PHLPP1: variants seen among roughly 807,000 people sequenced by gnomAD.
The protein encoded by PHLPP1 is PH domain and leucine rich repeat protein phosphatase 1.
In PHLPP1, 42 loss-of-function variants were observed where a neutral mutation model predicts 117.2. The ratio of observed to expected loss-of-function variants is 0.36; its 90% CI spans 0.28 to 0.46. The LOEUF (loss-of-function observed/expected upper bound fraction) is 0.46, where lower values mean the gene tolerates loss of function less well. PHLPP1 is among the 20% of genes least tolerant of loss of function. The probability of loss-of-function intolerance (pLI) is 1.00; values close to 1 mark genes in which losing one functional copy is unlikely to be tolerated. For synonymous variants in PHLPP1, 1,042 were observed against 970.7 expected, an observed-to-expected ratio of 1.07 and a Z score of -1.37; for missense variants, 2,084 against 2,241.9, an observed-to-expected ratio of 0.93 and a Z score of 1.42.
intron 1 of PHLPP1, among the ~76,000 whole-genome samples, chr18:62,809,710 A>G (rs920586879): frequency 2.0e-5 from 3 of 152,194 alleles, no homozygotes; most frequent in African/African-American, 7.2e-5. Context: ...CAAAAAAAAA[A>G]AAGTCATTGG....
intron 1 of PHLPP1, among the ~76,000 whole-genome samples, chr18:62,732,255 G>A (rs1464069137): frequency 1.3e-5 from 2 of 152,166 alleles, no homozygotes; most frequent in African/African-American, 4.8e-5. Context: ...CTCTTGTTAG[G>A]AATTAATGCA....
At chr18:62,803,645 C>T (rs535263715) in intron 1 of PHLPP1, among the ~76,000 whole-genome samples, 1 of 152,068 alleles carries the variant, frequency 6.6e-6, no homozygotes, top group Non-Finnish European at 1.5e-5. Flanking sequence ...CAAATAATGC[C>T]GCCATGAACA....
At chr18:62,750,002 C>T (rs932351860) in intron 1 of PHLPP1, among the ~76,000 whole-genome samples, 4 of 152,004 alleles carry the variant, frequency 2.6e-5, no homozygotes, top group South Asian at 2.1e-4. Context: ...GGCGACAGAG[C>T]GAGACTCCAC....
chr18:62,776,075 T>C lies in PHLPP1; in HGVS notation c.1577-53960T>C, dbSNP rs187345018. On this transcript the variant is annotated intron_variant, in intron 1 of 16. Coordinates refer to ENST00000262719, the MANE Select transcript of PHLPP1 (RefSeq NM_194449.4). The stretch of plus-strand genomic sequence containing the variant: ...ATCTATAAAGAGATTTAAAAAAATA[T>C]ATATATAAAGAAGTTTATTTTAAGG... Among the ~76,000 whole-genome samples the C allele has an allele frequency of 1.3e-3, 193 of 152,092 alleles. 2 individuals carry two copies. The highest frequency in any genetic ancestry group is 1.0e-3 in the Non-Finnish European group (70 of 67,984).
intron 9 of PHLPP1, among the ~76,000 whole-genome samples, chr18:62,917,540 G>T (rs1909327906): frequency 6.6e-6 from 1 of 152,090 alleles, no homozygotes; most frequent in African/African-American, 2.4e-5. Context: ...GCAAGGCTGG[G>T]CACCGTGGCT....
In PHLPP1 at chr18:62,890,002, C is replaced by T. The variant is rs563255818; in HGVS notation, c.2067-5009C>T. 2.1e-4 allele frequency among the ~76,000 whole-genome samples: 32 copies of T among 152,184 alleles called. 1 individual carries two copies. The South Asian group carries it at 6.4e-3, about 31-fold the overall frequency. On this transcript the variant is annotated intron_variant, in intron 4 of 16. Transcript: ENST00000262719. ...TGTGGTATTATACTGGACCTTGCAG[C>T]TCTTGGGAAAGGGTGCCCCCGACTC...
At chr18:62,923,507 A>C (rs772731348) in intron 10 of PHLPP1, among the ~76,000 whole-genome samples, 2 of 152,126 alleles carry the variant, frequency 1.3e-5, no homozygotes, top group Non-Finnish European at 2.9e-5. Context: ...GATTATGTGA[A>C]GGGGGTGGGA....
intron 1 of PHLPP1, among the ~76,000 whole-genome samples, chr18:62,800,798 A>G (rs1913755449): frequency 6.6e-6 from 1 of 152,032 alleles, no homozygotes; most frequent in Non-Finnish European, 1.5e-5. Context: ...TTCTCCGGCT[A>G]CCTGCATTCT....
chr18:62,972,439 C>T, intron 14 of PHLPP1, 75 bp from the exon 15 acceptor site: 1 of 1,355,866 alleles, frequency 7.4e-7, no homozygotes, highest in African/African-American at 1.5e-5. Context: ...TTAGGAAAAT[C>T]TTGAAATAAG....
intron 1 of PHLPP1, among the ~76,000 whole-genome samples, chr18:62,822,609 A>C (rs1451049054): frequency 6.6e-6 from 1 of 152,100 alleles, no homozygotes; most frequent in East Asian, 1.9e-4. Context: ...AATGGCACAA[A>C]TTTGAATGCC....
Position 62,871,554 on chromosome 18 carries a change from C to A in PHLPP1, c.2066+10953C>A, listed in dbSNP as rs186392392. ...TGTCGGCCAGTCTGGTCACCAACTC[C>A]TGACCTCAGGTGATCTGACTGCCTC... On this transcript the variant is annotated intron_variant, in intron 4 of 16. Transcript: ENST00000262719. Among the ~76,000 whole-genome samples, 12 of 152,148 alleles carry A rather than the reference C, an allele frequency of 7.9e-5. No homozygotes were observed. In the East Asian group the frequency reaches 2.3e-3, roughly 29 times the overall value.
At chr18:62,736,524 T>A (rs1298305867) in intron 1 of PHLPP1, among the ~76,000 whole-genome samples, 2 of 152,146 alleles carry the variant, frequency 1.3e-5, no homozygotes, top group Non-Finnish European at 2.9e-5. Context: ...GAATTGTGGA[T>A]CAGTTCATAA....
At chr18:62,837,060 T>C (rs1440411496) in intron 2 of PHLPP1, among the ~76,000 whole-genome samples, 2 of 152,216 alleles carry the variant, frequency 1.3e-5, no homozygotes, top group Non-Finnish European at 2.9e-5. Context: ...CTCCACACTA[T>C]AGCCTTGACC....
chr18:62,758,274 A>G (rs960323745), intron 1 of PHLPP1, among the ~76,000 whole-genome samples: 1 of 152,216 alleles, frequency 6.6e-6, no homozygotes, highest in African/African-American at 2.4e-5. Flanking sequence ...GTGATTAATA[A>G]CATAGCTTTT....
intron 1 of PHLPP1, among the ~76,000 whole-genome samples, chr18:62,806,083 A>G (rs1360246558): frequency 1.3e-5 from 2 of 152,176 alleles, no homozygotes; most frequent in African/African-American, 4.8e-5. Flanking sequence ...TTGTAGGGAA[A>G]GTGAAACAAA....
intron 3 of PHLPP1, among the ~76,000 whole-genome samples, chr18:62,858,041 A>G (rs1005339842): frequency 1.3e-5 from 2 of 152,078 alleles, no homozygotes; most frequent in East Asian, 1.9e-4. Flanking sequence ...CTCTTTTTAC[A>G]TCTTTCTTTA....
intron 1 of PHLPP1, among the ~76,000 whole-genome samples, chr18:62,729,154 T>A (rs1911161351): frequency 6.6e-6 from 1 of 152,196 alleles, no homozygotes; most frequent in East Asian, 1.9e-4. Flanking sequence ...ACATCTGCCA[T>A]CTTTGGCAAA....
chr18:62,875,795 C>T (rs920042375), intron 4 of PHLPP1, among the ~76,000 whole-genome samples: 29 of 151,850 alleles, frequency 1.9e-4, no homozygotes, highest in African/African-American at 5.6e-4. Context: ...TGCAGTGACA[C>T]GATTTCAGCT....
intron 6 of PHLPP1, among the ~76,000 whole-genome samples, chr18:62,900,361 C>T (rs897054219): frequency 6.8e-6 from 1 of 147,714 alleles, no homozygotes; most frequent in African/African-American, 2.5e-5. Context: ...AAAGTTTGTC[C>T]TAGTTACATC....
Sources: allele counts gnomAD v4.1 joint callset (sites outside exome capture counted in the v4.1 genomes callset), GRCh38; gene constraint gnomAD v4.1.1; transcripts MANE v1.5; gene names NCBI Gene and HGNC (gene_info 2026-07-23, HGNC 2026-07-21).